Variants in GRIN2A observed in about 807,000 individuals in gnomAD.
GRIN2A encodes glutamate ionotropic receptor NMDA type subunit 2A, also known as glutamate receptor ionotropic, NMDA 2A.
Under a neutral mutation model 113.4 loss-of-function variants are expected in GRIN2A, and 22 were observed. That is an observed-to-expected ratio of 0.19 (90% CI 0.14 to 0.28). The LOEUF (loss-of-function observed/expected upper bound fraction) is 0.28. Among genes scored for constraint, GRIN2A ranks in the 10% least tolerant of loss-of-function variants. The pLI, the probability that GRIN2A is intolerant of heterozygous loss-of-function variation, is 1.00. For missense variants in GRIN2A, 1,502 were observed against 1,887.0 expected, an observed-to-expected ratio of 0.80 and a Z score of 3.78; for synonymous variants, 827 against 738.4, an observed-to-expected ratio of 1.12 and a Z score of -1.94.
chr16:10,051,436 G>A (rs1900719), intron 2 of GRIN2A, among the ~76,000 whole-genome samples: 61,560 of 152,062 alleles, frequency 0.4, 13,485 homozygotes, highest in East Asian at 0.87. Context: ...CCTTTTCACA[G>A]GAGTATCCCC....
At chr16:10,105,414 G>A (rs1004725676) in intron 2 of GRIN2A, among the ~76,000 whole-genome samples, 3 of 151,930 alleles carry the variant, frequency 2.0e-5, no homozygotes, top group East Asian at 1.9e-4. Flanking sequence ...GTGTTGCCTG[G>A]GTCTCCTGGG....
chr16:10,131,255 T>C (rs1284650097), intron 2 of GRIN2A, among the ~76,000 whole-genome samples: 2 of 152,104 alleles, frequency 1.3e-5, no homozygotes, highest in Admixed American at 1.3e-4. Flanking sequence ...GAACAGCATG[T>C]AGAGTGGGCT....
intron 2 of GRIN2A, among the ~76,000 whole-genome samples, chr16:9,964,184 T>C (rs898405863): frequency 1.3e-5 from 2 of 152,228 alleles, no homozygotes; most frequent in Admixed American, 6.5e-5. Context: ...CACTGCCGCA[T>C]GGACTTGAAG....
chr16:10,160,127 T>C (rs1265733778), intron 2 of GRIN2A, among the ~76,000 whole-genome samples: 2 of 152,240 alleles, frequency 1.3e-5, no homozygotes, highest in East Asian at 1.9e-4. Flanking sequence ...TCAGCCACCA[T>C]GTTTGTGATG....
chr16:9,855,357 G>A (rs994468814), intron 4 of GRIN2A, among the ~76,000 whole-genome samples: 1 of 152,130 alleles, frequency 6.6e-6, no homozygotes, highest in African/African-American at 2.4e-5. Flanking sequence ...ACAGTTCCTG[G>A]CACACAGAAA....
At chr16:9,934,190 CTGT>C (rs1567184325) in intron 3 of GRIN2A, among the ~76,000 whole-genome samples, 1 of 152,118 alleles carries the variant, frequency 6.6e-6, no homozygotes, top group East Asian at 1.9e-4. Context: ...TTATCAGATT[CTGT>C]TGTTTTCTGT....
At chr16:10,181,412 G>T (rs554029312) in intron 1 of GRIN2A, among the ~76,000 whole-genome samples, 8 of 152,316 alleles carry the variant, frequency 5.3e-5, no homozygotes, top group African/African-American at 7.2e-5. Flanking sequence ...TACTGCGGGC[G>T]CTGTTGCCAA....
At chr16:9,817,213 G>C (rs895479633) in intron 10 of GRIN2A, among the ~76,000 whole-genome samples, 2 of 152,132 alleles carry the variant, frequency 1.3e-5, no homozygotes, top group Non-Finnish European at 2.9e-5. Flanking sequence ...TAAAATAGTA[G>C]TTCTCAGCTC....
At chr16:9,932,372 T>C (rs966699333) in intron 3 of GRIN2A, among the ~76,000 whole-genome samples, 1 of 152,164 alleles carries the variant, frequency 6.6e-6, no homozygotes, top group African/African-American at 2.4e-5. Context: ...ATTTCATTTT[T>C]ATTTTATTTT....
chr16:9,895,125 C>T (rs2043777948), intron 3 of GRIN2A, among the ~76,000 whole-genome samples: 1 of 152,094 alleles, frequency 6.6e-6, no homozygotes, highest in Non-Finnish European at 1.5e-5. Flanking sequence ...GAGAGGGACA[C>T]ACAAAATAAC....
At chr16:9,860,191 C>T (rs1215894465) in intron 4 of GRIN2A, among the ~76,000 whole-genome samples, 3 of 151,864 alleles carry the variant, frequency 2.0e-5, no homozygotes, top group East Asian at 1.9e-4. Flanking sequence ...CATGGTGGCT[C>T]GCGCCTGTAA....
intron 2 of GRIN2A, among the ~76,000 whole-genome samples, chr16:9,973,052 G>A (rs1299643218): frequency 6.6e-6 from 1 of 152,168 alleles, no homozygotes; most frequent in Non-Finnish European, 1.5e-5. Flanking sequence ...GGGGCCACAA[G>A]GCCAGATGAG....
chr16:9,810,409 T>C (rs1406980542), intron 10 of GRIN2A, among the ~76,000 whole-genome samples: 4 of 152,182 alleles, frequency 2.6e-5, no homozygotes, highest in African/African-American at 9.7e-5. Context: ...TACCTCCAAA[T>C]TCATGTACAC....
chr16:9,992,836 G>A (rs530090616), intron 2 of GRIN2A, among the ~76,000 whole-genome samples: 1 of 152,124 alleles, frequency 6.6e-6, no homozygotes, highest in Non-Finnish European at 1.5e-5. Context: ...CATACTACCT[G>A]GGACTGAAAT....
chr16:9,903,458 G>T (rs547614418), intron 3 of GRIN2A, among the ~76,000 whole-genome samples: 37 of 152,182 alleles, frequency 2.4e-4, no homozygotes, highest in Non-Finnish European at 4.4e-4. Context: ...TTATTGACTT[G>T]ATTCAAAAAG....
chr16:10,045,899 G>GAGATCA (rs2047249349), intron 2 of GRIN2A, among the ~76,000 whole-genome samples: 1 of 152,036 alleles, frequency 6.6e-6, no homozygotes, highest in Admixed American at 6.5e-5. Context: ...TGACCAGATC[G>GAGATCA]TGTTTCTTTG....
intron 2 of GRIN2A, among the ~76,000 whole-genome samples, chr16:9,978,476 C>T (rs979264885): frequency 6.6e-6 from 1 of 152,056 alleles, no homozygotes; most frequent in African/African-American, 2.4e-5. Flanking sequence ...CTCCTCCTCC[C>T]TATCCTCTTC....
intron 2 of GRIN2A, among the ~76,000 whole-genome samples, chr16:9,952,754 C>T (rs2045213446): frequency 6.6e-6 from 1 of 151,894 alleles, no homozygotes. Context: ...CAGAGAGGAA[C>T]TCAATGCTTA....
At chr16:9,801,860 T>C (rs943747085) in intron 10 of GRIN2A, among the ~76,000 whole-genome samples, 6 of 152,164 alleles carry the variant, frequency 3.9e-5, no homozygotes, top group African/African-American at 1.4e-4. Context: ...AGAACTGAAG[T>C]GATTACAACA....
Sources: gnomAD v4.1 joint callset for allele counts (sites outside exome capture counted in the v4.1 genomes callset) on GRCh38, gnomAD v4.1.1 for gene constraint, MANE v1.5 for transcripts, NCBI Gene and HGNC (gene_info 2026-07-23, HGNC 2026-07-21) for gene names.